KIRREL3: variants seen among roughly 807,000 people sequenced by gnomAD.
KIRREL3 encodes the protein kin of IRRE-like protein 3.
Under a neutral mutation model 89.7 loss-of-function variants are expected in KIRREL3, and 36 were observed. The observed-to-expected ratio is 0.40, with a 90% CI of 0.31 to 0.53. The LOEUF is 0.53. Ranked by LOEUF, KIRREL3 falls within the 20% of genes least tolerant of loss-of-function variation. The pLI is 0.49. For synonymous variants in KIRREL3, 445 were observed against 441.4 expected, an observed-to-expected ratio of 1.01 and a Z score of -0.10; for missense variants, 864 against 1,056.6, an observed-to-expected ratio of 0.82 and a Z score of 2.53.
At chr11:126,582,103 G>A (rs1941580170) in intron 1 of KIRREL3, among the ~76,000 whole-genome samples, 1 of 152,172 alleles carries the variant, frequency 6.6e-6, no homozygotes, top group Admixed American at 6.5e-5. Flanking sequence ...CCTGTGATCT[G>A]GCCCTGGTTT....
At chr11:126,839,456 G>T (rs1424339419) in intron 1 of KIRREL3, among the ~76,000 whole-genome samples, 4 of 152,198 alleles carry the variant, frequency 2.6e-5, no homozygotes, top group Non-Finnish European at 5.9e-5. Context: ...GTTTTGTTTT[G>T]TTGGGGGGCT....
At position 126,424,843 on chromosome 11, in the gene KIRREL3, C is replaced by T. The variant is rs373999671; in HGVS notation, c.2074G>A (p.Gly692Arg). 13 of 1,613,988 alleles carry T rather than the reference C, an allele frequency of 8.1e-6. No homozygotes were observed. The highest frequency in any genetic ancestry group is 5.5e-5 in the South Asian group (5 of 91,086). Residue 692 changes from glycine to arginine, a missense_variant, in exon 17 of 17, where the codon GGG (glycine) becomes AGG (arginine). Gly to Arg is a moderately radical substitution (Grantham distance 125). Coordinates refer to ENST00000525144, the MANE Select transcript of KIRREL3 (RefSeq NM_032531.4). ...CCCATGCCCAGCACAAACCGCTGCC[C>T]GTAGTCGTAGAGGCGGCCCTGGCCG... ...LSGQGRLYDYGQRFVLGMGSS... is the reference protein window; with the variant it reads ...LSGQGRLYDYRQRFVLGMGSS...
intron 6 of KIRREL3, among the ~76,000 whole-genome samples, chr11:126,457,249 GTGTA>G (rs1462663041): frequency 5.3e-5 from 7 of 131,682 alleles, no homozygotes; most frequent in East Asian, 1.9e-4. Context: ...ATGTATGTGT[GTGTA>G]TGTGTGTATG....
intron 13 of KIRREL3, among the ~76,000 whole-genome samples, chr11:126,433,328 A>G (rs1166136199): frequency 6.6e-6 from 1 of 152,064 alleles, no homozygotes; most frequent in African/African-American, 2.4e-5. Context: ...CTTTAAAGGG[A>G]GGAGAAAGAC....
At position 126,485,781 on chromosome 11, in the gene KIRREL3, T is replaced by C. The variant is rs1325703655; in HGVS notation, c.434-12315A>G. On this transcript the variant is annotated intron_variant, in intron 4 of 16. Transcript: ENST00000525144. The surrounding 1 kb of genome is among the most constrained non-coding windows in gnomAD (Gnocchi z 5.8). ...TGGACTCCTGAGATGGAATGGTCAG[T>C]ACCTTGCCTCAAAGCACCTTTAAAC... Among the ~76,000 whole-genome samples the C allele has an allele frequency of 1.3e-5, 2 of 152,234 alleles. No homozygotes were observed. Among genetic ancestry groups the C allele is most frequent in the East Asian group, 3.8e-4 (2 of 5,198 alleles).
At chr11:126,659,047 G>A (rs576621055) in intron 1 of KIRREL3, among the ~76,000 whole-genome samples, 1 of 152,130 alleles carries the variant, frequency 6.6e-6, no homozygotes, top group African/African-American at 2.4e-5. Flanking sequence ...CATTTAGACT[G>A]GCCAATTGGT....
rs5795514 is a variant in KIRREL3, at chr11:126,708,338, A to AG, written c.56-145427dup. 0.88 allele frequency among the ~76,000 whole-genome samples: 134,431 copies of AG among 152,240 alleles called. 59,551 individuals are homozygous for AG. The highest frequency in any genetic ancestry group is 1 in the East Asian group (5,165 of 5,172). ...TGGAATAACAATGTACTCCTCACCA[A>AG]GGCATTTAGCCAGAAAAGTGCTCCT... is the stretch of plus-strand genomic sequence containing the variant. On this transcript the variant is annotated intron_variant, in intron 1 of 16. Coordinates refer to ENST00000525144, the MANE Select transcript of KIRREL3 (RefSeq NM_032531.4). This position sits in a 1 kb window ranked among gnomAD's most constrained non-coding sequence, Gnocchi z 5.7.
At position 126,773,440 on chromosome 11, in the gene KIRREL3, C is replaced by A. The variant is rs899763361; in HGVS notation, c.56-210528G>T. Among the ~76,000 whole-genome samples, 1 of 152,186 alleles carries A rather than the reference C, an allele frequency of 6.6e-6. No individual in the cohort carries two copies. Among genetic ancestry groups the A allele is most frequent in the African/African-American group, 2.4e-5 (1 of 41,428 alleles). ...GTCTCAGGTCTGACAGCCAACCCTG[C>A]AGATTTTGGACTTACCAGTCTCCAT... On this transcript the variant is annotated intron_variant, in intron 1 of 16. Transcript: ENST00000525144. This position sits in a 1 kb window ranked among gnomAD's most constrained non-coding sequence, Gnocchi z 4.2.
At chr11:126,936,385 G>A (rs1052105768) in intron 1 of KIRREL3, 1 of 152,128 alleles carries the variant, frequency 6.6e-6, no homozygotes, top group Non-Finnish European at 1.5e-5. Flanking sequence ...TCCACTCCTA[G>A]ATGTCTGCCC....
chr11:126,941,711 A>T (rs1013238887), intron 1 of KIRREL3, among the ~76,000 whole-genome samples: 1 of 152,244 alleles, frequency 6.6e-6, no homozygotes, highest in Non-Finnish European at 1.5e-5. Context: ...CAACTCTCGC[A>T]GTCTTCCCAG....
rs1042340676 is a variant in KIRREL3 at position 126,723,506 on chromosome 11, C to T, written c.56-160594G>A. 6.6e-5 allele frequency among the ~76,000 whole-genome samples: 10 copies of T among 152,382 alleles called. No individual in the cohort carries two copies. The highest frequency in any genetic ancestry group is 2.6e-4 in the Admixed American group (4 of 15,310). The stretch of plus-strand genomic sequence containing the variant: ...GGCATCATTAAGCAGCTGGTGCCAA[C>T]ATTTACCTCACACCTCCCTTAGTAG... On this transcript the variant is annotated intron_variant, in intron 1 of 16. Transcript: ENST00000525144. The surrounding 1 kb of genome is among the most constrained non-coding windows in gnomAD (Gnocchi z 4.0).
intron 1 of KIRREL3, among the ~76,000 whole-genome samples, chr11:126,832,348 G>T (rs1178139688): frequency 2.0e-5 from 3 of 152,098 alleles, no homozygotes; most frequent in South Asian, 2.1e-4. Context: ...TACACGCCAG[G>T]GAGATAAATG....
chr11:126,916,906 A>G (rs1036969263), intron 1 of KIRREL3, among the ~76,000 whole-genome samples: 4 of 152,160 alleles, frequency 2.6e-5, no homozygotes, highest in African/African-American at 9.7e-5. Flanking sequence ...AGGCATAATC[A>G]AAAGGGGACA....
In KIRREL3 at chr11:126,515,066, G is replaced by T. The variant is rs7947957; in HGVS notation, c.433+6249C>A. Among the ~76,000 whole-genome samples, 1 of 151,972 alleles carries T rather than the reference G, an allele frequency of 6.6e-6. No individual in the cohort carries two copies. The highest frequency in any genetic ancestry group is 1.5e-5 in the Non-Finnish European group (1 of 68,000). On this transcript the variant is annotated intron_variant, in intron 4 of 16. Transcript: ENST00000525144. The surrounding 1 kb of genome is among the most constrained non-coding windows in gnomAD (Gnocchi z 4.2). Reference sequence around the variant, plus strand: ...GATGAAAGATGCTCCCAGGAGACCCGGTGGGGGAAACAGACATGAAAACAG... The same window carrying T: ...GATGAAAGATGCTCCCAGGAGACCCTGTGGGGGAAACAGACATGAAAACAG...
At chr11:126,481,546 T>G (rs1347984774) in intron 4 of KIRREL3, among the ~76,000 whole-genome samples, 2 of 152,202 alleles carry the variant, frequency 1.3e-5, no homozygotes, top group Admixed American at 1.3e-4. Context: ...ATATTCTGTA[T>G]TTTGGAGAAT....
rs1947385118 is a variant in KIRREL3, at chr11:126,703,279, C to T, written c.56-140367G>A. Among the ~76,000 whole-genome samples the T allele has an allele frequency of 6.6e-6, 1 of 152,246 alleles. No individual in the cohort carries two copies. The highest frequency in any genetic ancestry group is 1.5e-5 in the Non-Finnish European group (1 of 68,046). ...TGCACTGCACAAGGCCAAGGCTTAC[C>T]ATTTGCATGGTCTGCGGAGGAATGG... On this transcript the variant is annotated intron_variant, in intron 1 of 16. Coordinates refer to ENST00000525144, the MANE Select transcript of KIRREL3 (RefSeq NM_032531.4). The surrounding 1 kb of genome is among the most constrained non-coding windows in gnomAD (Gnocchi z 4.6).
In KIRREL3 at chr11:126,788,457, C is replaced by T. The variant is rs1413145103; in HGVS notation, c.55+211998G>A. On this transcript the variant is annotated intron_variant, in intron 1 of 16. Coordinates refer to ENST00000525144, the MANE Select transcript of KIRREL3 (RefSeq NM_032531.4). This position sits in a 1 kb window ranked among gnomAD's most constrained non-coding sequence, Gnocchi z 4.1. ...TCCTCTGTCCATGTTCTAACAGGAG[C>T]TCTGCAGAGTGGCAAACACTCCTGT... 1.3e-5 allele frequency among the ~76,000 whole-genome samples: 2 copies of T among 152,298 alleles called. No individual in the cohort carries two copies. Among genetic ancestry groups the T allele is most frequent in the Admixed American group, 1.3e-4 (2 of 15,300 alleles).
intron 2 of KIRREL3, among the ~76,000 whole-genome samples, chr11:126,543,530 C>G (rs1371373502): frequency 1.3e-5 from 2 of 152,090 alleles, no homozygotes; most frequent in African/African-American, 2.4e-5. Flanking sequence ...TTTTTTCCCC[C>G]AACAGTAGCC....
At chr11:126,749,324 C>T (rs185209077) in intron 1 of KIRREL3, among the ~76,000 whole-genome samples, 1 of 152,184 alleles carries the variant, frequency 6.6e-6, no homozygotes, top group Non-Finnish European at 1.5e-5. Flanking sequence ...CTGCTAATCC[C>T]TAGAACATTT....
Sources: gnomAD v4.1 joint callset for allele counts (sites outside exome capture counted in the v4.1 genomes callset) on GRCh38, gnomAD v4.1.1 for gene constraint, Gnocchi (gnomAD v3.1) non-coding constraint, MANE v1.5 for transcripts, NCBI Gene and HGNC (gene_info 2026-07-23, HGNC 2026-07-21) for gene names.